Variants in TMCC1 observed in about 807,000 individuals in gnomAD.
TMCC1 encodes the protein transmembrane and coiled-coil domain family 1.
A neutral mutation model predicts 52.4 loss-of-function variants in TMCC1; 15 were observed. That is an observed-to-expected ratio of 0.29 (90% CI 0.19 to 0.44). The LOEUF is 0.44. Among genes scored for constraint, TMCC1 ranks in the 20% least tolerant of loss-of-function variants. TMCC1 has a pLI of 1.00. For missense variants in TMCC1, 503 were observed against 806.0 expected (o/e 0.62, Z 4.55); for synonymous variants, 279 against 301.9 (o/e 0.92, Z 0.79).
At chr3:129,731,912 A>C (rs2050578073) in intron 4 of TMCC1, among the ~76,000 whole-genome samples, 1 of 152,202 alleles carries the variant, frequency 6.6e-6, no homozygotes, top group South Asian at 2.1e-4. Context: ...GGTGTGAGCC[A>C]CTGTGCCTGG....
chr3:129,828,232 G>A lies in TMCC1; in HGVS notation c.147C>T (p.Gly49=). The change falls in exon 4 of 7, where the codon GGC becomes GGT. Residue 49 remains glycine, a synonymous_variant. Transcript: ENST00000393238. The surrounding 1 kb of genome is among the most constrained non-coding windows in gnomAD (Gnocchi z 4.1). ...GCTGGAAGAGATGCTTCAAGCCTTG[G>A]CCAATCACGTTAATGTTCTCCAAAG... is the stretch of plus-strand genomic sequence containing the variant. The part of the protein sequence containing the change: ...HNALENINVI[G]QGLKHLFQHQ... The A allele has an allele frequency of 6.2e-7, 1 of 1,614,098 alleles. No homozygotes were observed. The highest frequency in any genetic ancestry group is 1.1e-5 in the South Asian group (1 of 91,076).
chr3:129,760,570 C>T (rs899636906), intron 4 of TMCC1, among the ~76,000 whole-genome samples: 2 of 151,722 alleles, frequency 1.3e-5, no homozygotes, highest in South Asian at 2.1e-4. Context: ...CTCCGCCTCC[C>T]GGGTTCACGC....
At chr3:129,704,329 T>TA (rs2048057570) in intron 4 of TMCC1, among the ~76,000 whole-genome samples, 1 of 152,226 alleles carries the variant, frequency 6.6e-6, no homozygotes. Flanking sequence ...TATCAACACT[T>TA]AACATAAGAT....
chr3:129,654,899 TCCGC>T, intron 6 of TMCC1, 65 bp downstream of exon 6: 5 of 1,571,248 alleles, frequency 3.2e-6, no homozygotes, highest in Admixed American at 3.8e-5. Flanking sequence ...CTTTTTTCCT[TCCGC>T]TGTTTTCCTT....
chr3:129,708,573 T>C (rs548124273), intron 4 of TMCC1, among the ~76,000 whole-genome samples: 1 of 152,356 alleles, frequency 6.6e-6, no homozygotes, highest in South Asian at 2.1e-4. Context: ...AGATTCCAAC[T>C]CTGTTGCTCA....
At chr3:129,806,411 C>T (rs2107784575) in intron 4 of TMCC1, among the ~76,000 whole-genome samples, 1 of 152,304 alleles carries the variant, frequency 6.6e-6, no homozygotes, top group South Asian at 2.1e-4. Flanking sequence ...CACAGGCACC[C>T]AGACTAATTA....
intron 2 of TMCC1, among the ~76,000 whole-genome samples, 167 bp downstream of exon 2, chr3:129,880,142 A>C (rs1020715465): frequency 1.3e-5 from 2 of 152,232 alleles, no homozygotes; most frequent in Non-Finnish European, 2.9e-5. Context: ...ACATTAAGAA[A>C]GTTCTTGTTG....
intron 1 of TMCC1, among the ~76,000 whole-genome samples, chr3:129,885,811 C>A (rs370427977): frequency 2.0e-5 from 3 of 149,866 alleles, no homozygotes; most frequent in East Asian, 3.9e-4. Context: ...GGCGCAATCT[C>A]GGCTCACTGC....
chr3:129,836,410 C>G (rs1285406277), intron 2 of TMCC1, among the ~76,000 whole-genome samples: 1 of 152,114 alleles, frequency 6.6e-6, no homozygotes, highest in Non-Finnish European at 1.5e-5. Flanking sequence ...TATACTCTTT[C>G]AAGCAGAAAG....
intron 5 of TMCC1, among the ~76,000 whole-genome samples, chr3:129,658,034 TATC>T (rs1309908675): frequency 6.6e-6 from 1 of 152,228 alleles, no homozygotes; most frequent in East Asian, 1.9e-4. Context: ...TACAACAATA[TATC>T]ATCTTGGCTG....
intron 1 of TMCC1, among the ~76,000 whole-genome samples, chr3:129,882,207 A>C (rs2061490970): frequency 6.6e-6 from 1 of 152,194 alleles, no homozygotes; most frequent in Non-Finnish European, 1.5e-5. Flanking sequence ...AAATGGGCAA[A>C]GGATATTTCT....
chr3:129,715,768 T>C (rs1381063891), intron 4 of TMCC1, among the ~76,000 whole-genome samples: 4 of 152,222 alleles, frequency 2.6e-5, no homozygotes, highest in Non-Finnish European at 5.9e-5. Context: ...TTATATCTTA[T>C]ACATTCTTGA....
rs755523077 is a variant in TMCC1, at chr3:129,771,774, C to CA, written c.576+56028dup. 3.5e-3 allele frequency among the ~76,000 whole-genome samples: 265 copies of CA among 75,612 alleles called. 4 individuals are homozygous for CA. The highest frequency in any genetic ancestry group is 7.1e-3 in the African/African-American group (179 of 25,368). 49.6% of individuals were successfully genotyped at this position (75,612 alleles called of 152,430 possible). A position where few individuals can be genotyped will look rare whatever the true frequency, so the allele number is the denominator to read the frequency against. ...TGGGCGTCAGAGCAAGACACTGTCT[C>CA]AAAAAAAAAAAAAAAAAAAAAAAAA... On this transcript the variant is annotated intron_variant, in intron 4 of 6. Coordinates refer to ENST00000393238, the MANE Select transcript of TMCC1 (RefSeq NM_001017395.5).
intron 4 of TMCC1, among the ~76,000 whole-genome samples, chr3:129,815,413 T>G (rs376711194): frequency 8.8e-4 from 133 of 151,972 alleles, no homozygotes; most frequent in African/African-American, 3.0e-3. Context: ...CACAGACCAA[T>G]GGAACAGAAT....
chr3:129,703,963 C>G (rs561292768), intron 4 of TMCC1, among the ~76,000 whole-genome samples: 35 of 152,154 alleles, frequency 2.3e-4, no homozygotes, highest in Non-Finnish European at 4.6e-4. Flanking sequence ...GACGTGAGAC[C>G]AGAGGGGAGA....
chr3:129,866,963 T>C (rs1455561558), intron 2 of TMCC1: 1 of 152,230 alleles, frequency 6.6e-6, no homozygotes, highest in African/African-American at 2.4e-5. Flanking sequence ...AATATTTTTA[T>C]AAATGTTTAT....
Position 129,729,188 on chromosome 3 carries a change from T to A in TMCC1, c.577-57924A>T, listed in dbSNP as rs559950575. Among the ~76,000 whole-genome samples the A allele has an allele frequency of 5.9e-5, 9 of 152,336 alleles. No homozygotes were observed. In the South Asian group the frequency reaches 1.7e-3, roughly 28 times the overall value. The stretch of plus-strand genomic sequence containing the variant: ...TGCCATTTTCCTTTCCTACCAGCAG[T>A]GTATGAGAGTTCCAATTGTTCTCTG... On this transcript the variant is annotated intron_variant, in intron 4 of 6. Transcript: ENST00000393238.
chr3:129,701,078 G>A (rs997213276), intron 4 of TMCC1, among the ~76,000 whole-genome samples: 3 of 152,118 alleles, frequency 2.0e-5, no homozygotes, highest in African/African-American at 7.2e-5. Flanking sequence ...GGGGAAAACT[G>A]TCCAAAGGCC....
At chr3:129,726,427 C>A (rs551702260) in intron 4 of TMCC1, among the ~76,000 whole-genome samples, 1 of 152,176 alleles carries the variant, frequency 6.6e-6, no homozygotes, top group Non-Finnish European at 1.5e-5. Flanking sequence ...CTCTACAATA[C>A]GGTCTCGCTC....
Sources: gnomAD v4.1 joint callset for allele counts (sites outside exome capture counted in the v4.1 genomes callset) on GRCh38, gnomAD v4.1.1 for gene constraint, Gnocchi (gnomAD v3.1) non-coding constraint, MANE v1.5 for transcripts, NCBI Gene and HGNC (gene_info 2026-07-23, HGNC 2026-07-21) for gene names.